SESTD1: variants seen among roughly 807,000 people sequenced by gnomAD.
SESTD1 encodes SEC14 domain and spectrin repeat-containing protein 1.
SESTD1 carries 43 observed loss-of-function variants against 101.7 expected under a neutral mutation model. The ratio of observed to expected loss-of-function variants is 0.42; its 90% CI spans 0.33 to 0.55. SESTD1 has a LOEUF of 0.55. Among genes scored for constraint, SESTD1 ranks in the 20% least tolerant of loss-of-function variants. The probability of loss-of-function intolerance (pLI) is 0.07; values close to 1 mark genes in which losing one functional copy is unlikely to be tolerated. For missense variants in SESTD1, 647 were observed against 815.1 expected (o/e 0.79, Z 2.51); for synonymous variants, 283 against 286.8 (o/e 0.99, Z 0.13).
intron 17 of SESTD1, among the ~76,000 whole-genome samples, chr2:179,112,345 A>T (rs1326761347): frequency 6.6e-6 from 1 of 152,168 alleles, no homozygotes; most frequent in Non-Finnish European, 1.5e-5. Context: ...ATGAAGGTGA[A>T]ATGTTTCACT....
intron 16 of SESTD1, among the ~76,000 whole-genome samples, chr2:179,114,494 T>C (rs1466684040): frequency 2.0e-5 from 3 of 152,228 alleles, no homozygotes; most frequent in African/African-American, 7.2e-5. Flanking sequence ...AAAAAAGTTC[T>C]ATTGAAAATG....
At chr2:179,138,800 G>A (rs530276618) in intron 9 of SESTD1, among the ~76,000 whole-genome samples, 1 of 146,736 alleles carries the variant, frequency 6.8e-6, no homozygotes, top group African/African-American at 2.5e-5. Flanking sequence ...GAGCCTGGGA[G>A]GTCAAGGCTG....
chr2:179,256,228 T>C (rs1031209363), intron 1 of SESTD1, among the ~76,000 whole-genome samples: 8 of 152,200 alleles, frequency 5.3e-5, no homozygotes, highest in African/African-American at 1.9e-4. Flanking sequence ...ATAGCTGCCA[T>C]AGATAGTGAT....
intron 5 of SESTD1, among the ~76,000 whole-genome samples, chr2:179,160,857 T>C (rs1052549789): frequency 2.0e-5 from 3 of 152,014 alleles, no homozygotes; most frequent in African/African-American, 7.2e-5. Context: ...CTCATTTTAA[T>C]TTTTTTAAAA....
At chr2:179,143,115 A>G (rs1024661696) in intron 9 of SESTD1, among the ~76,000 whole-genome samples, 1 of 152,124 alleles carries the variant, frequency 6.6e-6, no homozygotes, top group African/African-American at 2.4e-5. Context: ...AGTTTAAAAG[A>G]AATTAAAATT....
chr2:179,128,512 C>T (rs574256366), intron 10 of SESTD1, among the ~76,000 whole-genome samples: 3 of 152,168 alleles, frequency 2.0e-5, no homozygotes, highest in South Asian at 4.2e-4. Context: ...GGGCAGATCA[C>T]GAGGTCAGGA....
At position 179,143,620 on chromosome 2, in the gene SESTD1, A is replaced by C; in HGVS notation, c.821T>G (p.Leu274Ter). The C allele has an allele frequency of 6.2e-7, 1 of 1,613,936 alleles. No homozygotes were observed. Residue 274 changes from leucine to a stop codon, truncating the protein, a stop_gained, in exon 9 of 18, where the codon TTA (leucine) becomes TGA (stop). Transcript: ENST00000428443. LOFTEE classifies it high-confidence loss of function. ...CATTACCTTCTGTTGAATCTCTTCT[A>C]ACTGTGTGCGCTTGCTACGTTGCCT... ...VCRQRSKRTQ[L>*]EEIQQKVMQV...
chr2:179,207,697 C>A (rs1187987107), intron 1 of SESTD1, among the ~76,000 whole-genome samples: 1 of 135,046 alleles, frequency 7.4e-6, no homozygotes, highest in East Asian at 2.0e-4. Context: ...CAAGGGATCA[C>A]CCTGTAGGAC....
intron 1 of SESTD1, among the ~76,000 whole-genome samples, chr2:179,248,931 G>T (rs954312460): frequency 6.8e-6 from 1 of 147,670 alleles, no homozygotes; most frequent in Non-Finnish European, 1.5e-5. Context: ...AAAAAAAAAA[G>T]AACAAAAAAA....
At chr2:179,139,085 C>T (rs904689911) in intron 9 of SESTD1, among the ~76,000 whole-genome samples, 9 of 152,100 alleles carry the variant, frequency 5.9e-5, no homozygotes, top group African/African-American at 9.7e-5. Context: ...CCATGACATG[C>T]ATATTCCCAT....
In SESTD1 at chr2:179,103,788, G is replaced by A. The variant is rs2044323437; in HGVS notation, c.*6111C>T. On this transcript the variant is annotated 3_prime_UTR_variant, in exon 18 of 18. Coordinates refer to ENST00000428443, the MANE Select transcript of SESTD1 (RefSeq NM_178123.5). Reference sequence around the variant, plus strand: ...GGGCAGTGTGGAAACTTTCTAGGGTGGTGATAACGTTTCCTATTTCCATAG... The same window carrying A: ...GGGCAGTGTGGAAACTTTCTAGGGTAGTGATAACGTTTCCTATTTCCATAG... 6.6e-6 allele frequency: 1 copy of A among 152,092 alleles called. No homozygotes were observed. The allele number at this position is 152,092 out of a possible 1,614,324, so 9.4% of individuals were successfully genotyped here.
chr2:179,156,197 A>T (rs909281142), intron 5 of SESTD1, among the ~76,000 whole-genome samples: 1 of 152,046 alleles, frequency 6.6e-6, no homozygotes, highest in Non-Finnish European at 1.5e-5. Flanking sequence ...TATATATATC[A>T]CATATATACA....
intron 9 of SESTD1, among the ~76,000 whole-genome samples, chr2:179,143,092 C>G (rs2045315795): frequency 6.6e-6 from 1 of 151,966 alleles, no homozygotes; most frequent in African/African-American, 2.4e-5. Flanking sequence ...GCCTACTTTT[C>G]TTATAAAAAT....
intron 13 of SESTD1, 42 bp from the exon 14 acceptor site, chr2:179,117,655 T>C: frequency 6.9e-7 from 1 of 1,439,646 alleles, no homozygotes; most frequent in Non-Finnish European, 9.4e-7. Flanking sequence ...ATTTCTGTTT[T>C]ATTGATTACT....
intron 4 of SESTD1, among the ~76,000 whole-genome samples, chr2:179,175,681 G>C (rs189473969): frequency 1.3e-5 from 2 of 152,262 alleles, no homozygotes; most frequent in Admixed American, 6.5e-5. Flanking sequence ...AAGTGCATGA[G>C]AGCAATCTGC....
intron 5 of SESTD1, among the ~76,000 whole-genome samples, chr2:179,157,876 C>A (rs2045661223): frequency 6.6e-6 from 1 of 152,088 alleles, no homozygotes; most frequent in South Asian, 2.1e-4. Flanking sequence ...ATTCCAGAGA[C>A]AGTTGTGTAA....
At position 179,198,793 on chromosome 2, in the gene SESTD1, C is replaced by T. The variant is rs866840087; in HGVS notation, c.-25-6927G>A. ...ACACAACATACCAGAATTTCTGGGA[C>T]GCATTCAAAGCAGTGTGTAGAGGGA... On this transcript the variant is annotated intron_variant, in intron 1 of 17. Coordinates refer to ENST00000428443, the MANE Select transcript of SESTD1 (RefSeq NM_178123.5). 7.9e-5 allele frequency among the ~76,000 whole-genome samples: 12 copies of T among 151,920 alleles called. No individual in the cohort carries two copies. In the South Asian group the frequency reaches 8.3e-4, roughly 11 times the overall value.
chr2:179,178,991 T>C (rs1384159549), intron 3 of SESTD1, among the ~76,000 whole-genome samples: 1 of 152,188 alleles, frequency 6.6e-6, no homozygotes, highest in Non-Finnish European at 1.5e-5. Context: ...TCAGAGTACT[T>C]AGAAACACGC....
In SESTD1 at chr2:179,184,515, C is replaced by T. The variant is rs889635451; in HGVS notation, c.56-1327G>A. On this transcript the variant is annotated intron_variant, in intron 2 of 17. Coordinates refer to ENST00000428443, the MANE Select transcript of SESTD1 (RefSeq NM_178123.5). ...GATTCAACTTAGTAATCAATCAATA[C>T]GACTTCAATTGCCTATTTTTTGTTC... 5.9e-5 allele frequency among the ~76,000 whole-genome samples: 9 copies of T among 151,764 alleles called. 1 individual carries two copies. The South Asian group carries it at 8.3e-4, about 14-fold the overall frequency.
Sources: gnomAD v4.1 joint callset for allele counts (sites outside exome capture counted in the v4.1 genomes callset) on GRCh38, gnomAD v4.1.1 for gene constraint, MANE v1.5 for transcripts, NCBI Gene and HGNC (gene_info 2026-07-23, HGNC 2026-07-21) for gene names.